The following RP1 variants were observed in gnomAD, a reference collection of about 807,000 sequenced individuals.
RP1 encodes the protein RP1 axonemal microtubule associated, also known as oxygen-regulated protein 1.
RP1 carries 16 observed loss-of-function variants against 14.8 expected under a neutral mutation model. The ratio of observed to expected loss-of-function variants is 1.08; its 90% CI spans 0.73 to 1.65. The LOEUF (loss-of-function observed/expected upper bound fraction) is 1.65. Ranked by LOEUF, RP1 falls within the 40% of genes most tolerant of loss-of-function variation. The pLI is 0.00. For missense variants in RP1, 2,631 were observed against 2,535.0 expected, an observed-to-expected ratio of 1.04 and a Z score of -0.81; for synonymous variants, 876 against 883.6, an observed-to-expected ratio of 0.99 and a Z score of 0.15.
At chr8:54,667,145 C>T (rs369407965) in intron 7 of RP1, among the ~76,000 whole-genome samples, 4 of 151,932 alleles carry the variant, frequency 2.6e-5, no homozygotes, top group South Asian at 2.1e-4. Flanking sequence ...TTTGTACATC[C>T]CCATGCCTGG....
intron 14 of RP1, among the ~76,000 whole-genome samples, chr8:54,702,986 T>C (rs1249981056): frequency 6.6e-6 from 1 of 152,190 alleles, no homozygotes; most frequent in East Asian, 1.9e-4. Context: ...TCATTCTAGC[T>C]CCTTTGCTAT....
intron 24 of RP1, among the ~76,000 whole-genome samples, chr8:54,807,365 T>C (rs1022466545): frequency 6.6e-6 from 1 of 152,230 alleles, no homozygotes. Context: ...GAAATTATGG[T>C]AGTTACATGG....
At chr8:54,573,444 A>G (rs1312720589) in intron 1 of RP1, among the ~76,000 whole-genome samples, 1 of 152,238 alleles carries the variant, frequency 6.6e-6, no homozygotes, top group African/African-American at 2.4e-5. Context: ...GGAGAAAGAC[A>G]AAGAGAATGA....
chr8:54,630,832 C>A lies in RP1; in HGVS notation c.*479C>A. 1.0e-6 allele frequency: 1 copy of A among 996,262 alleles called. No homozygotes were observed. The highest frequency in any genetic ancestry group is 1.2e-6 in the Non-Finnish European group (1 of 836,868). 61.7% of individuals were successfully genotyped at this position (996,262 alleles called of 1,614,324 possible). A position where few individuals can be genotyped will look rare whatever the true frequency, so the allele number is the denominator to read the frequency against. On this transcript the variant is annotated 3_prime_UTR_variant, in exon 4 of 4. Transcript: ENST00000220676. Reference sequence around the variant, plus strand: ...GATATCCACGACAATCTCATAGTTTCTTGTGCCAAATATGTTGAGTCCAGT... The same window carrying A: ...GATATCCACGACAATCTCATAGTTTATTGTGCCAAATATGTTGAGTCCAGT...
At chr8:54,698,448 G>A (rs858392) in intron 12 of RP1, among the ~76,000 whole-genome samples, 68,358 of 152,048 alleles carry the variant, frequency 0.45, 17,151 homozygotes, top group African/African-American at 0.68. Flanking sequence ...GGGAGTGTAA[G>A]TTAGTTCAAC....
chr8:54,629,581 C>T lies in RP1; in HGVS notation c.5699C>T (p.Thr1900Ile), dbSNP rs1295475564. ...PLPGSNMIHGTLQEADSLDKL... is the reference protein window; with the variant it reads ...PLPGSNMIHGILQEADSLDKL... ...CCTGGCAGTAATATGATTCATGGTA[C>T]ACTTCAGGAAGCTGACTCTTTGGAT... Residue 1900 changes from threonine to isoleucine, a missense_variant, in exon 4 of 4, where the codon ACA (threonine) becomes ATA (isoleucine). Transcript: ENST00000220676. The T allele has an allele frequency of 7.4e-6, 12 of 1,613,878 alleles. No homozygotes were observed. The highest frequency in any genetic ancestry group is 1.3e-5 in the African/African-American group (1 of 74,916).
At chr8:54,678,436 T>A (rs2129334756) in intron 8 of RP1, 1 of 1,521,918 alleles carries the variant, frequency 6.6e-7, no homozygotes, top group South Asian at 1.2e-5. Context: ...TCATATCACA[T>A]TTTCATTCTT....
intron 3 of RP1, 24 bp from the exon 4 acceptor site, chr8:54,624,646 C>A (rs750228102): frequency 9.9e-6 from 16 of 1,612,466 alleles, no homozygotes; most frequent in Non-Finnish European, 1.1e-5. Context: ...ATGTGGGCAC[C>A]TTTTACTCTT....
Position 54,626,844 on chromosome 8 carries a change from A to G in RP1, c.2962A>G (p.Lys988Glu), listed in dbSNP as rs1200183914. ...CGGTTTGACAGGAGATAATCTATGT[A>G]AAGAGGGAGATAAGTCTTTTATTGC... is the stretch of plus-strand genomic sequence containing the variant. ...IAGLTGDNLC[K>E]EGDKSFIAND... Residue 988 changes from lysine (K) to glutamate (E), a missense_variant, in exon 4 of 4, where the codon AAA (lysine) becomes GAA (glutamate). Lys to Glu is a moderately conservative substitution (Grantham distance 56, BLOSUM62 1). Coordinates refer to ENST00000220676, the MANE Select transcript of RP1 (RefSeq NM_006269.2). 3.1e-6 allele frequency: 5 copies of G among 1,613,724 alleles called. No individual in the cohort carries two copies. Among genetic ancestry groups the G allele is most frequent in the South Asian group, 2.2e-5 (2 of 91,092 alleles).
rs778644406 is a variant in RP1, at chr8:54,625,222, A to G, written c.1340A>G (p.Tyr447Cys). The G allele has an allele frequency of 1.9e-6, 3 of 1,614,174 alleles. No homozygotes were observed. The highest frequency in any genetic ancestry group is 1.3e-5 in the African/African-American group (1 of 75,062). ...CAAGACCAAGCAAAGCATCGTTTTT[A>G]TAGGCCCCCTACACCTGGACTAAGA... ...GTQDQAKHRF[Y>C]RPPTPGLRRV... The change falls in exon 4 of 4, where the codon TAT becomes TGT. Residue 447 changes from tyrosine to cysteine, a missense_variant. Transcript: ENST00000220676.
rs1188126629 is a variant in RP1, at chr8:54,754,678, T to C, written c.2809-125T>C. ...CTACGACTACTACTACTAACAACCA[T>C]CACCGCTATCACCATCATCAGAGTA... On this transcript the variant is annotated intron_variant, in intron 19 of 22. Transcript: ENST00000636932. 3 of 945,212 alleles carry C rather than the reference T, an allele frequency of 3.2e-6. No homozygotes were observed. The African/African-American group carries it at 5.1e-5, about 16-fold the overall frequency. 58.6% of individuals were successfully genotyped at this position (945,212 alleles called of 1,614,324 possible).
chr8:54,663,884 A>G, intron 7 of RP1: 1 of 1,489,988 alleles, frequency 6.7e-7, no homozygotes, highest in Non-Finnish European at 8.9e-7. Flanking sequence ...TAAAAAGATT[A>G]ATCATGGTAA....
At chr8:54,605,326 A>C (rs1056842983) in intron 1 of RP1, among the ~76,000 whole-genome samples, 6 of 152,192 alleles carry the variant, frequency 3.9e-5, no homozygotes, top group Non-Finnish European at 7.3e-5. Flanking sequence ...CAGGTTGTTC[A>C]ATTTCCATGT....
intron 1 of RP1, among the ~76,000 whole-genome samples, chr8:54,602,636 A>G (rs1805319914): frequency 6.6e-6 from 1 of 152,250 alleles, no homozygotes; most frequent in African/African-American, 2.4e-5. Context: ...TGGTTGAACC[A>G]GTTTACAGTC....
At chr8:54,702,910 A>G (rs192488920) in intron 14 of RP1, among the ~76,000 whole-genome samples, 71 of 152,332 alleles carry the variant, frequency 4.7e-4, no homozygotes, top group African/African-American at 1.6e-3. Flanking sequence ...ATAAGAAGTA[A>G]TCTTTCATCT....
chr8:54,560,116 G>A (rs1003561714), intron 1 of RP1, among the ~76,000 whole-genome samples: 10 of 152,318 alleles, frequency 6.6e-5, no homozygotes, highest in South Asian at 4.1e-4. Context: ...GGAGGCTGGG[G>A]TGGGTCTGCG....
chr8:54,699,990 C>A (rs979639803), intron 13 of RP1, among the ~76,000 whole-genome samples: 1 of 151,986 alleles, frequency 6.6e-6, no homozygotes, highest in African/African-American at 2.4e-5. Flanking sequence ...AACTTTAATG[C>A]ACTGTTTTAA....
chr8:54,577,939 A>T (rs188657949), intron 1 of RP1, among the ~76,000 whole-genome samples: 1 of 118,572 alleles, frequency 8.4e-6, no homozygotes, highest in Non-Finnish European at 2.1e-5. Flanking sequence ...AAGCATGACA[A>T]ACATTTTCTT....
Position 54,630,435 on chromosome 8 carries a change from A to C in RP1, c.*82A>C, listed in dbSNP as rs1206282535. 4 of 1,564,184 alleles carry C rather than the reference A, an allele frequency of 2.6e-6. No homozygotes were observed. Among genetic ancestry groups the C allele is most frequent in the Non-Finnish European group, 3.5e-6 (4 of 1,155,564 alleles). ...ACATGTGACGAATACGGACTAGATA[A>C]CCTCTAAGAATTTTCCACTTCTTCA... On this transcript the variant is annotated 3_prime_UTR_variant, in exon 4 of 4. Coordinates refer to ENST00000220676, the MANE Select transcript of RP1 (RefSeq NM_006269.2).
Sources: gnomAD v4.1 joint callset for allele counts (sites outside exome capture counted in the v4.1 genomes callset) on GRCh38, gnomAD v4.1.1 for gene constraint, MANE v1.5 for transcripts, NCBI Gene and HGNC (gene_info 2026-07-23, HGNC 2026-07-21) for gene names.